MYO3B: variants seen among roughly 807,000 people sequenced by gnomAD.
The protein encoded by MYO3B is myosin IIIB.
A neutral mutation model predicts 174.6 loss-of-function variants in MYO3B; 156 were observed. The ratio of observed to expected loss-of-function variants is 0.89; its 90% CI spans 0.78 to 1.02. The LOEUF (loss-of-function observed/expected upper bound fraction) is 1.02. Ranked by LOEUF, MYO3B falls within the 50% of genes least tolerant of loss-of-function variation. The pLI is 0.00. For missense variants in MYO3B, 1,632 were observed against 1,639.4 expected (o/e 1.00, Z 0.08); for synonymous variants, 563 against 569.1 (o/e 0.99, Z 0.15).
At chr2:170,365,467 C>T (rs2094191603) in intron 8 of MYO3B, among the ~76,000 whole-genome samples, 1 of 152,056 alleles carries the variant, frequency 6.6e-6, no homozygotes. Context: ...GTGGCTAGTT[C>T]TAGTGCTGAG....
At chr2:170,237,185 AT>A (rs1264658198) in intron 7 of MYO3B, among the ~76,000 whole-genome samples, 1 of 152,198 alleles carries the variant, frequency 6.6e-6, no homozygotes, top group Non-Finnish European at 1.5e-5. Context: ...GGCTTTTTAA[AT>A]TAATAGTCTG....
At chr2:170,578,027 T>G (rs1692894453) in intron 32 of MYO3B, among the ~76,000 whole-genome samples, 1 of 152,228 alleles carries the variant, frequency 6.6e-6, no homozygotes, top group Non-Finnish European at 1.5e-5. Context: ...TCCTGTTTAA[T>G]ATTTTGGAAA....
chr2:170,477,197 C>T (rs1685370199), intron 25 of MYO3B, among the ~76,000 whole-genome samples: 1 of 152,164 alleles, frequency 6.6e-6, no homozygotes, highest in Non-Finnish European at 1.5e-5. Context: ...GTGTGATGGT[C>T]AGCCTTTGTG....
intron 25 of MYO3B, among the ~76,000 whole-genome samples, chr2:170,483,408 A>G (rs1685826458): frequency 1.8e-5 from 1 of 56,428 alleles, no homozygotes; most frequent in South Asian, 6.2e-4. Flanking sequence ...TTTTTTTGAG[A>G]CGGAGTCTAG....
At chr2:170,407,607 G>GCTCTGGAT in intron 21 of MYO3B, 108 bp from the exon 22 acceptor site, 21 of 486,040 alleles carry the variant, frequency 4.3e-5, no homozygotes, top group Non-Finnish European at 6.3e-5. Flanking sequence ...GCTATGTAAA[G>GCTCTGGAT]ATGAGTTCTA....
At chr2:170,208,662 C>G (rs1239091798) in intron 3 of MYO3B, among the ~76,000 whole-genome samples, 1 of 152,062 alleles carries the variant, frequency 6.6e-6, no homozygotes, top group Non-Finnish European at 1.5e-5. Context: ...ACTAATGAGT[C>G]TAGAATTTAA....
chr2:170,464,309 A>G (rs1359472272), intron 24 of MYO3B, among the ~76,000 whole-genome samples: 1 of 145,640 alleles, frequency 6.9e-6, no homozygotes, highest in African/African-American at 2.5e-5. Context: ...AGATTGCGCC[A>G]TTGCAGGCCT....
intron 27 of MYO3B, among the ~76,000 whole-genome samples, chr2:170,501,578 C>T (rs185712732): frequency 5.9e-5 from 9 of 152,232 alleles, no homozygotes; most frequent in African/African-American, 1.7e-4. Flanking sequence ...AAAAGCAACC[C>T]CTCAGAAGCA....
chr2:170,260,661 T>G (rs533208625), intron 7 of MYO3B, among the ~76,000 whole-genome samples: 2 of 152,282 alleles, frequency 1.3e-5, no homozygotes, highest in East Asian at 3.9e-4. Context: ...CACACTATAC[T>G]TATGTAACAA....
chr2:170,616,080 G>C (rs1559161912), intron 32 of MYO3B, among the ~76,000 whole-genome samples: 1 of 152,178 alleles, frequency 6.6e-6, no homozygotes. Flanking sequence ...TGATTAGCAA[G>C]ATATTAATCA....
chr2:170,526,331 G>C (rs949507726), intron 30 of MYO3B, among the ~76,000 whole-genome samples: 25 of 152,198 alleles, frequency 1.6e-4, no homozygotes, highest in African/African-American at 4.8e-4. Flanking sequence ...CATGGTGATA[G>C]AAGTAGCAGC....
At chr2:170,266,985 C>A (rs1403736790) in intron 7 of MYO3B, among the ~76,000 whole-genome samples, 1 of 152,148 alleles carries the variant, frequency 6.6e-6, no homozygotes, top group Non-Finnish European at 1.5e-5. Context: ...GAAACAAACC[C>A]CACTATCTGA....
At chr2:170,635,072 G>C (rs923364318) in intron 32 of MYO3B, among the ~76,000 whole-genome samples, 1 of 152,226 alleles carries the variant, frequency 6.6e-6, no homozygotes, top group Non-Finnish European at 1.5e-5. Context: ...CAAGGATCCA[G>C]AACTAGAAAT....
intron 7 of MYO3B, among the ~76,000 whole-genome samples, chr2:170,294,715 T>C (rs1195015973): frequency 6.6e-6 from 1 of 152,118 alleles, no homozygotes; most frequent in Non-Finnish European, 1.5e-5. Context: ...TAGTGGTAAA[T>C]ATATGTCATT....
At chr2:170,507,979 T>G (rs1237452380) in intron 28 of MYO3B, among the ~76,000 whole-genome samples, 2 of 152,164 alleles carry the variant, frequency 1.3e-5, no homozygotes, top group Non-Finnish European at 2.9e-5. Context: ...CATGCTAGGA[T>G]TAAATAAGCC....
rs554892841 is a variant in MYO3B, at chr2:170,292,158, A to G, written c.750-43227A>G. 2.1e-3 allele frequency among the ~76,000 whole-genome samples: 313 copies of G among 152,180 alleles called. 2 individuals carry two copies. Among genetic ancestry groups the G allele is most frequent in the African/African-American group, 7.4e-3 (309 of 41,530 alleles). ...TTCTCTGACTGTGTATTTTCAAATAATCTTCAAGCTCACTGATTTTTTTTC... is the reference window on the plus strand; with the variant it reads ...TTCTCTGACTGTGTATTTTCAAATAGTCTTCAAGCTCACTGATTTTTTTTC... On this transcript the variant is annotated intron_variant, in intron 7 of 34. Transcript: ENST00000408978.
intron 7 of MYO3B, among the ~76,000 whole-genome samples, chr2:170,308,710 A>G (rs1356160252): frequency 6.6e-6 from 1 of 152,078 alleles, no homozygotes; most frequent in Non-Finnish European, 1.5e-5. Context: ...ATTCTGTATT[A>G]TAGTTACTCA....
chr2:170,454,610 T>G (rs778616669), intron 23 of MYO3B, among the ~76,000 whole-genome samples: 10 of 152,128 alleles, frequency 6.6e-5, no homozygotes, highest in Non-Finnish European at 8.8e-5. Context: ...GGCCTCTGGA[T>G]CCATCAAAGG....
chr2:170,306,119 G>T (rs2105456317), intron 7 of MYO3B, among the ~76,000 whole-genome samples: 1 of 152,286 alleles, frequency 6.6e-6, no homozygotes, highest in Admixed American at 6.5e-5. Flanking sequence ...GGGTTAAGCT[G>T]GATCCCGCTT....
Sources: allele counts gnomAD v4.1 joint callset (sites outside exome capture counted in the v4.1 genomes callset), GRCh38; gene constraint gnomAD v4.1.1; transcripts MANE v1.5; gene names NCBI Gene and HGNC (gene_info 2026-07-23, HGNC 2026-07-21).